WDR1: variants seen among roughly 807,000 people sequenced by gnomAD.
WDR1 encodes WD repeat-containing protein 1.
Under a neutral mutation model 71.9 loss-of-function variants are expected in WDR1, and 21 were observed. The observed-to-expected ratio is 0.29, with a 90% CI of 0.21 to 0.42. The LOEUF is 0.42. Among genes scored for constraint, WDR1 ranks in the 10% least tolerant of loss-of-function variants. The pLI, the probability that WDR1 is intolerant of heterozygous loss-of-function variation, is 1.00. For missense variants in WDR1, 696 were observed against 824.5 expected (o/e 0.84, Z 1.91); for synonymous variants, 424 against 347.4 (o/e 1.22, Z -2.45).
chr4:10,098,183 C>A (rs772989641), intron 4 of WDR1, among the ~76,000 whole-genome samples: 6 of 152,230 alleles, frequency 3.9e-5, no homozygotes, highest in Non-Finnish European at 7.3e-5. Context: ...ATCTTTACAG[C>A]TTCACCATTC....
At chr4:10,112,314 AC>A (rs1713432419) in intron 2 of WDR1, among the ~76,000 whole-genome samples, 1 of 152,010 alleles carries the variant, frequency 6.6e-6, no homozygotes, top group Non-Finnish European at 1.5e-5. Flanking sequence ...CCTTCCTTAG[AC>A]CCCCGAAGCA....
chr4:10,093,853 C>T (rs573755115), intron 5 of WDR1, among the ~76,000 whole-genome samples: 5 of 152,276 alleles, frequency 3.3e-5, no homozygotes, highest in Non-Finnish European at 7.3e-5. Flanking sequence ...AACATCTGCT[C>T]TCTGCCCTGT....
At chr4:10,099,639 TGA>T (rs1230898370) in intron 3 of WDR1, among the ~76,000 whole-genome samples, 1 of 152,244 alleles carries the variant, frequency 6.6e-6, no homozygotes, top group African/African-American at 2.4e-5. Flanking sequence ...TGCACAGCTG[TGA>T]GGGTGCAGCG....
chr4:10,093,663 C>A (rs1712153182), intron 5 of WDR1, among the ~76,000 whole-genome samples: 1 of 152,206 alleles, frequency 6.6e-6, no homozygotes. Flanking sequence ...GCCATGTGAC[C>A]TGGGCCAGGT....
At chr4:10,091,170 G>A (rs183772818) in intron 5 of WDR1, among the ~76,000 whole-genome samples, 69 of 152,386 alleles carry the variant, frequency 4.5e-4, no homozygotes, top group African/African-American at 1.5e-3. Flanking sequence ...CTGGACGGTC[G>A]TCTCTGGCTA....
chr4:10,097,916 G>C, intron 4 of WDR1, 25 bp from the exon 5 acceptor site: 6 of 904,072 alleles, frequency 6.6e-6, no homozygotes, highest in Admixed American at 5.6e-5. Flanking sequence ...ACAGGTGGAA[G>C]ACAAAAAAAA....
In WDR1 at chr4:10,116,252, C is replaced by A. The variant is rs369921704; in HGVS notation, c.17-18G>T. The A allele has an allele frequency of 1.3e-5, 21 of 1,612,796 alleles. No homozygotes were observed. Among genetic ancestry groups the A allele is most frequent in the Non-Finnish European group, 1.7e-5 (20 of 1,179,648 alleles). ...CACCTTCTCTGCGGAGACACAAATGCGGCGGGGCATGTCAGGGCAGGGCGG... is the reference window on the plus strand; with the variant it reads ...CACCTTCTCTGCGGAGACACAAATGAGGCGGGGCATGTCAGGGCAGGGCGG... On this transcript the variant is annotated intron_variant, in intron 1 of 14. Coordinates refer to ENST00000499869, the MANE Select transcript of WDR1 (RefSeq NM_017491.5).
intron 5 of WDR1, among the ~76,000 whole-genome samples, chr4:10,093,470 C>T (rs1022169188): frequency 6.6e-6 from 1 of 152,268 alleles, no homozygotes; most frequent in African/African-American, 2.4e-5. Context: ...TGCAAAGTGC[C>T]CTGGGGCAGC....
rs769029988 is a variant in WDR1, at chr4:10,097,745, T to C, written c.524A>G (p.Glu175Gly). The change falls in exon 5 of 15, where the codon GAG (glutamate) becomes GGG (glycine). Residue 175 changes from glutamate to glycine, a missense_variant. Coordinates refer to ENST00000499869, the MANE Select transcript of WDR1 (RefSeq NM_017491.5). Reference protein sequence around the residue: ...GSDDNCAAFFEGPPFKFKFTI... With the variant: ...GSDDNCAAFFGGPPFKFKFTI... ...GAACTTGAACTTGAATGGGGGTCCC[T>C]CAAAGAATGCCGCGCAGTTATCATC... The C allele has an allele frequency of 3.7e-6, 6 of 1,610,970 alleles. No homozygotes were observed. The highest frequency in any genetic ancestry group is 5.1e-6 in the Non-Finnish European group (6 of 1,178,592).
rs11728174 is a variant in WDR1, at chr4:10,112,814, T to C, written c.138+3299A>G. ...TGAGTAACTCACTGAGCACCTACTGTGTGCCAGACACTCTCTTAGGCGAGG... is the reference window on the plus strand; with the variant it reads ...TGAGTAACTCACTGAGCACCTACTGCGTGCCAGACACTCTCTTAGGCGAGG... On this transcript the variant is annotated intron_variant, in intron 2 of 14. Transcript: ENST00000499869. 7.8e-3 allele frequency among the ~76,000 whole-genome samples: 1,187 copies of C among 152,316 alleles called. 7 individuals are homozygous for C. The highest frequency in any genetic ancestry group is 0.019 in the South Asian group (93 of 4,828).
chr4:10,096,338 T>C (rs566025968), intron 5 of WDR1: 2 of 152,412 alleles, frequency 1.3e-5, no homozygotes, highest in Non-Finnish European at 2.9e-5. Flanking sequence ...TGCTCTGCAG[T>C]GCCTCCACCC....
chr4:10,077,163 C>T (rs1764831236), intron 14 of WDR1, 141 bp downstream of exon 14: 1 of 1,214,922 alleles, frequency 8.2e-7, no homozygotes, highest in East Asian at 2.6e-5. Flanking sequence ...GGAAGGAGAC[C>T]CACAACTCTT....
Position 10,083,062 on chromosome 4 carries a change from C to T in WDR1, c.1156G>A (p.Asp386Asn), listed in dbSNP as rs1408997267. 4 of 1,613,688 alleles carry T rather than the reference C, an allele frequency of 2.5e-6. No individual in the cohort carries two copies. Among genetic ancestry groups the T allele is most frequent in the Non-Finnish European group, 3.4e-6 (4 of 1,179,846 alleles). Residue 386 changes from aspartate to asparagine, a missense_variant, in exon 10 of 15, where the codon GAC (aspartate) becomes AAC (asparagine). Coordinates refer to ENST00000499869, the MANE Select transcript of WDR1 (RefSeq NM_017491.5). ...ATGAGGCTGGTGTACCGCACGGTGTCGTCCATGCTGCAGCTGATGAGCTGC... is the reference window on the plus strand; with the variant it reads ...ATGAGGCTGGTGTACCGCACGGTGTTGTCCATGCTGCAGCTGATGAGCTGC... ...SGQLISCSMD[D>N]TVRYTSLMLR...
At chr4:10,077,968 A>G (rs1764865992) in intron 12 of WDR1, 42 bp from the exon 13 acceptor site, 1 of 1,554,776 alleles carries the variant, frequency 6.4e-7, no homozygotes, top group East Asian at 2.3e-5. Context: ...CCCTGAACAC[A>G]CACACCACAC....
intron 2 of WDR1, among the ~76,000 whole-genome samples, chr4:10,106,887 C>A (rs560877166): frequency 6.6e-6 from 1 of 152,178 alleles, no homozygotes; most frequent in African/African-American, 2.4e-5. Context: ...CTCACACCCC[C>A]ACGTGTCACT....
chr4:10,097,503 C>T (rs1272807494), intron 5 of WDR1, among the ~76,000 whole-genome samples: 1 of 152,246 alleles, frequency 6.6e-6, no homozygotes, highest in Admixed American at 6.5e-5. Flanking sequence ...CTTGTGGGAA[C>T]CATCCATGCC....
chr4:10,089,594 T>C (rs1327764175), intron 5 of WDR1, among the ~76,000 whole-genome samples: 3 of 152,210 alleles, frequency 2.0e-5, no homozygotes, highest in African/African-American at 7.2e-5. Flanking sequence ...GTTGTAAAGC[T>C]GCCAACACCT....
chr4:10,087,065 C>T (rs1033882164), intron 8 of WDR1, among the ~76,000 whole-genome samples: 1 of 152,216 alleles, frequency 6.6e-6, no homozygotes, highest in Admixed American at 6.5e-5. Context: ...TGAACCCTTC[C>T]GGGTTAGGGT....
chr4:10,094,015 C>T (rs914228781), intron 5 of WDR1, among the ~76,000 whole-genome samples: 3 of 152,196 alleles, frequency 2.0e-5, no homozygotes, highest in African/African-American at 7.2e-5. Flanking sequence ...AGTGGGAGAA[C>T]TATGTGAGGT....
Sources: gnomAD v4.1 joint callset for allele counts (sites outside exome capture counted in the v4.1 genomes callset) on GRCh38, gnomAD v4.1.1 for gene constraint, MANE v1.5 for transcripts, NCBI Gene and HGNC (gene_info 2026-07-23, HGNC 2026-07-21) for gene names.